Variants in BANP observed in about 807,000 individuals in gnomAD.
BANP encodes the protein BTG3 associated nuclear protein, also known as protein BANP.
BANP carries 11 observed loss-of-function variants against 68.1 expected under a neutral mutation model. That is an observed-to-expected ratio of 0.16 (90% CI 0.10 to 0.27). BANP has a LOEUF of 0.27. BANP is among the 10% of genes least tolerant of loss of function. The pLI is 1.00. For missense variants in BANP, 504 were observed against 722.7 expected, an observed-to-expected ratio of 0.70 and a Z score of 3.47; for synonymous variants, 329 against 303.2, an observed-to-expected ratio of 1.09 and a Z score of -0.88.
At chr16:88,009,340 C>T (rs951869513) in intron 6 of BANP, among the ~76,000 whole-genome samples, 2 of 152,114 alleles carry the variant, frequency 1.3e-5, no homozygotes, top group South Asian at 2.1e-4. Flanking sequence ...AAATAGGAGC[C>T]GCAGGAGACA....
intron 11 of BANP, among the ~76,000 whole-genome samples, chr16:88,050,052 G>T (rs1436844336): frequency 6.6e-6 from 1 of 152,202 alleles, no homozygotes; most frequent in Non-Finnish European, 1.5e-5. Context: ...TCTCAGTCAC[G>T]TTCACAGGGA....
Position 88,018,412 on chromosome 16 carries a change from G to C in BANP, c.656-16G>C. 1.2e-6 allele frequency: 2 copies of C among 1,605,800 alleles called. No homozygotes were observed. The highest frequency in any genetic ancestry group is 1.1e-5 in the South Asian group (1 of 90,480). On this transcript the variant is annotated splice_polypyrimidine_tract_variant and intron_variant, in intron 6 of 13. Transcript: ENST00000682872. This position sits in a 1 kb window ranked among gnomAD's most constrained non-coding sequence, Gnocchi z 7.7. ...TTGAGCCTTGGCCATCTGAGGACCT[G>C]TCTTCTGTTTTTCAGAGGACTACCC...
intron 4 of BANP, among the ~76,000 whole-genome samples, chr16:87,993,429 G>GC (rs771664720): frequency 4.6e-5 from 7 of 152,140 alleles, no homozygotes; most frequent in Non-Finnish European, 8.8e-5. Context: ...ATCAGTGTGT[G>GC]CTCATGGAGA....
intron 4 of BANP, among the ~76,000 whole-genome samples, chr16:87,993,960 T>G (rs1445657351): frequency 6.6e-6 from 1 of 151,978 alleles, no homozygotes; most frequent in African/African-American, 2.4e-5. Context: ...TGTGAGTGCT[T>G]GTCCCAGCCT....
At chr16:88,065,518 C>A (rs190096267) in intron 12 of BANP, among the ~76,000 whole-genome samples, 186 bp downstream of exon 12, 1 of 152,252 alleles carries the variant, frequency 6.6e-6, no homozygotes, top group East Asian at 1.9e-4. Flanking sequence ...TAAACAGGGC[C>A]CAGGGATTGG....
At chr16:88,042,959 A>G (rs1291580687) in intron 11 of BANP, among the ~76,000 whole-genome samples, 1 of 152,236 alleles carries the variant, frequency 6.6e-6, no homozygotes, top group African/African-American at 2.4e-5. Flanking sequence ...TCAAAAAATT[A>G]AAATACTTAA....
intron 1 of BANP, among the ~76,000 whole-genome samples, chr16:87,974,747 C>T (rs567687113): frequency 9.9e-5 from 15 of 151,970 alleles, no homozygotes; most frequent in Admixed American, 6.6e-4. Context: ...AGGGAGAGGA[C>T]GTTTCCAAGC....
intron 1 of BANP, among the ~76,000 whole-genome samples, chr16:87,960,793 A>G (rs1048225252): frequency 1.3e-5 from 2 of 152,264 alleles, no homozygotes; most frequent in African/African-American, 2.4e-5. Flanking sequence ...AACACTATAA[A>G]AAAATAATTT....
intron 4 of BANP, among the ~76,000 whole-genome samples, chr16:87,996,632 C>G (rs1389738482): frequency 6.6e-6 from 1 of 151,614 alleles, no homozygotes; most frequent in Non-Finnish European, 1.5e-5. Context: ...GTTGCTGGGC[C>G]CTCGTCCTGG....
intron 1 of BANP, among the ~76,000 whole-genome samples, chr16:87,961,074 G>A (rs1344646261): frequency 2.0e-5 from 3 of 152,188 alleles, no homozygotes; most frequent in African/African-American, 7.2e-5. Flanking sequence ...CCAGATGGTC[G>A]ATGCGGGATC....
At chr16:88,019,490 A>G (rs2152672041) in intron 7 of BANP, among the ~76,000 whole-genome samples, 1 of 149,104 alleles carries the variant, frequency 6.7e-6, no homozygotes, top group Middle Eastern at 3.4e-3. Flanking sequence ...TCTGATCTCG[A>G]AACAGGGCGA....
In BANP at chr16:88,064,267, G is replaced by A. The variant is rs900021035; in HGVS notation, c.1312-1000G>A. The stretch of plus-strand genomic sequence containing the variant: ...GAGGCAGTTGTGCGTCCACGGCGGG[G>A]CCTGCCTCCGTGGCAGCGCTCCCAG... On this transcript the variant is annotated intron_variant, in intron 11 of 13. Coordinates refer to ENST00000682872, the MANE Select transcript of BANP (RefSeq NM_001386991.1). The surrounding 1 kb of genome is among the most constrained non-coding windows in gnomAD (Gnocchi z 4.5). Among the ~76,000 whole-genome samples, 1 of 152,164 alleles carries A rather than the reference G, an allele frequency of 6.6e-6. No individual in the cohort carries two copies. Among genetic ancestry groups the A allele is most frequent in the Non-Finnish European group, 1.5e-5 (1 of 68,010 alleles).
At chr16:88,020,951 G>A (rs563549361) in intron 7 of BANP, among the ~76,000 whole-genome samples, 10 of 152,320 alleles carry the variant, frequency 6.6e-5, no homozygotes, top group African/African-American at 2.4e-4. Context: ...CTGTATTCAG[G>A]GAGTCCATGT....
At chr16:87,980,997 T>C in intron 2 of BANP, 39 bp from the exon 3 acceptor site, 1 of 1,428,760 alleles carries the variant, frequency 7.0e-7, no homozygotes, top group South Asian at 1.1e-5. Flanking sequence ...TGTAAAACTT[T>C]TCATGTTAAA....
At chr16:88,030,272 T>C (rs1289943864) in intron 8 of BANP, among the ~76,000 whole-genome samples, 1 of 152,184 alleles carries the variant, frequency 6.6e-6, no homozygotes, top group Non-Finnish European at 1.5e-5. Flanking sequence ...AGGGACCCTG[T>C]CTGGAATTAA....
intron 11 of BANP, among the ~76,000 whole-genome samples, chr16:88,051,938 G>A (rs991346276): frequency 1.1e-4 from 17 of 152,244 alleles, no homozygotes; most frequent in African/African-American, 3.6e-4. Flanking sequence ...AGAAAATAAA[G>A]TGAAGACCTA....
At chr16:88,060,293 C>T (rs532705557) in intron 11 of BANP, among the ~76,000 whole-genome samples, 1 of 152,246 alleles carries the variant, frequency 6.6e-6, no homozygotes, top group African/African-American at 2.4e-5. Context: ...CTGGGTCTCC[C>T]CAGCCTGGCC....
chr16:87,967,382 A>G (rs2060230122), intron 1 of BANP, among the ~76,000 whole-genome samples: 2 of 150,554 alleles, frequency 1.3e-5, no homozygotes, highest in Non-Finnish European at 2.9e-5. Context: ...TGCTGGGATT[A>G]CAAATGTGAG....
intron 6 of BANP, among the ~76,000 whole-genome samples, chr16:88,010,932 C>T (rs2152593673): frequency 3.1e-5 from 1 of 32,268 alleles, no homozygotes; most frequent in East Asian, 9.4e-3. Context: ...TTACAGAATT[C>T]ATCTTATGTA....
Sources: gnomAD v4.1 joint callset for allele counts (sites outside exome capture counted in the v4.1 genomes callset) on GRCh38, gnomAD v4.1.1 for gene constraint, Gnocchi (gnomAD v3.1) non-coding constraint, MANE v1.5 for transcripts, NCBI Gene and HGNC (gene_info 2026-07-23, HGNC 2026-07-21) for gene names.